The following PADI3 variants were observed in gnomAD, a reference collection of about 807,000 sequenced individuals.
The protein encoded by PADI3 is protein-arginine deiminase type-3.
PADI3 carries 53 observed loss-of-function variants against 71.5 expected under a neutral mutation model. The observed-to-expected ratio is 0.74, with a 90% CI of 0.59 to 0.93. The LOEUF (loss-of-function observed/expected upper bound fraction) is 0.93. PADI3 is among the 40% of genes least tolerant of loss of function. The probability of loss-of-function intolerance (pLI) is 0.00; values close to 1 mark genes in which losing one functional copy is unlikely to be tolerated. For missense variants in PADI3, 821 were observed against 868.0 expected, an observed-to-expected ratio of 0.95 and a Z score of 0.68; for synonymous variants, 361 against 347.5, an observed-to-expected ratio of 1.04 and a Z score of -0.43.
chr1:17,254,533 G>A lies in PADI3; in HGVS notation c.93-5045G>A, dbSNP rs76870269. Among the ~76,000 whole-genome samples the A allele has an allele frequency of 5.7e-3, 866 of 152,208 alleles. 3 individuals are homozygous for A. Among genetic ancestry groups the A allele is most frequent in the Non-Finnish European group, 0.01 (694 of 68,016 alleles). Reference sequence around the variant, plus strand: ...TGTGACTTTGGGCAAATCACCTGCCGTCTCCAAGGCTCAGTATTCTCATCT... The same window carrying A: ...TGTGACTTTGGGCAAATCACCTGCCATCTCCAAGGCTCAGTATTCTCATCT... On this transcript the variant is annotated intron_variant, in intron 1 of 15. Coordinates refer to ENST00000375460, the MANE Select transcript of PADI3 (RefSeq NM_016233.2).
At chr1:17,279,947 C>T (rs1398160182) in intron 13 of PADI3, among the ~76,000 whole-genome samples, 1 of 152,160 alleles carries the variant, frequency 6.6e-6, no homozygotes, top group East Asian at 1.9e-4. Context: ...CTGGCTGGTT[C>T]GCTGCTCAGT....
chr1:17,281,553 T>C (rs1253363255), intron 15 of PADI3, among the ~76,000 whole-genome samples: 1 of 151,918 alleles, frequency 6.6e-6, no homozygotes, highest in African/African-American at 2.4e-5. Flanking sequence ...CAAGCGATTC[T>C]CCTGCCTCAG....
chr1:17,263,157 G>A (rs146114913), intron 3 of PADI3, among the ~76,000 whole-genome samples: 1,588 of 152,234 alleles, frequency 0.01, 32 homozygotes, highest in African/African-American at 0.036. Flanking sequence ...CAGATGATCT[G>A]CCTGCCTCGG....
Position 17,259,656 on chromosome 1 carries a change from GA to G in PADI3, c.172del (p.Arg58GlyfsTer23). ...ACATCTACATCTCTCCCAACATGGA[GA>G]GGGGCCGGGAGCGTGCAGACACCAG... ...VDIYISPNME[R>X]GRERADTRRW... On this transcript the variant is annotated frameshift_variant, in exon 2 of 16. Transcript: ENST00000375460. LOFTEE classifies it high-confidence loss of function. The G allele has an allele frequency of 6.2e-7, 1 of 1,613,938 alleles. No individual in the cohort carries two copies. The highest frequency in any genetic ancestry group is 8.5e-7 in the Non-Finnish European group (1 of 1,179,852).
At chr1:17,260,113 GTCTCAGTTTCCCC>G (rs889658865) in intron 2 of PADI3, among the ~76,000 whole-genome samples, 12 of 152,128 alleles carry the variant, frequency 7.9e-5, no homozygotes, top group Non-Finnish European at 1.6e-4. Context: ...GCTGAGTTGG[GTCTCAGTTTCCCC>G]ACATGTAGGC....
chr1:17,282,846 G>A lies in PADI3; in HGVS notation c.1762G>A (p.Val588Met). 1 of 1,607,916 alleles carries A rather than the reference G, an allele frequency of 6.2e-7. No individual in the cohort carries two copies. ...GTGCTGCTTCCCCTTTGGACTGCAG[G>A]TGAACATGCTGGTGCTGGGGAAGCA... ...KKATAFFPDL[V>M]NMLVLGKHLG... is the part of the protein sequence containing the mutation. Residue 588 changes from valine (V) to methionine (M), a missense_variant and splice_region_variant, in exon 16 of 16, where the codon GTG becomes ATG. Coordinates refer to ENST00000375460, the MANE Select transcript of PADI3 (RefSeq NM_016233.2).
At chr1:17,272,386 G>A (rs1434703758) in intron 9 of PADI3, among the ~76,000 whole-genome samples, 3 of 152,214 alleles carry the variant, frequency 2.0e-5, no homozygotes, top group African/African-American at 7.2e-5. Flanking sequence ...AGGGTTTGGG[G>A]CAGGACTCTG....
chr1:17,270,674 G>T (rs2073235276), intron 7 of PADI3, among the ~76,000 whole-genome samples: 1 of 151,932 alleles, frequency 6.6e-6, no homozygotes, highest in Non-Finnish European at 1.5e-5. Context: ...ATAATAAAGG[G>T]CAGTGGGGAG....
At chr1:17,276,941 A>G (rs80012763) in intron 13 of PADI3, 65 bp downstream of exon 13, 72,544 of 1,378,558 alleles carry the variant, frequency 0.053, 2,172 homozygotes, top group African/African-American at 0.092. Flanking sequence ...AAGACACATC[A>G]TGGCTTGAGA....
intron 1 of PADI3, among the ~76,000 whole-genome samples, chr1:17,250,533 G>T (rs79318867): frequency 6.6e-6 from 1 of 152,168 alleles, no homozygotes; most frequent in African/African-American, 2.4e-5. Flanking sequence ...TGGATGAGAG[G>T]GGGTGAGGAG....
chr1:17,259,535 T>G, intron 1 of PADI3, 43 bp from the exon 2 acceptor site: 1 of 1,518,028 alleles, frequency 6.6e-7, no homozygotes, highest in East Asian at 2.3e-5. Flanking sequence ...CTGAGCAAAA[T>G]ATATCTCCTT....
At position 17,255,594 on chromosome 1, in the gene PADI3, G is replaced by T. The variant is rs144631352; in HGVS notation, c.93-3984G>T. 4.9e-3 allele frequency among the ~76,000 whole-genome samples: 745 copies of T among 152,282 alleles called. 8 individuals carry two copies. Among genetic ancestry groups the T allele is most frequent in the African/African-American group, 0.017 (714 of 41,546 alleles). The stretch of plus-strand genomic sequence containing the variant: ...AGGAAATGGGAAGCTAGATCCTCCC[G>T]TACCTGATGCAGGTTCTCCTCCCAG... On this transcript the variant is annotated intron_variant, in intron 1 of 15. Coordinates refer to ENST00000375460, the MANE Select transcript of PADI3 (RefSeq NM_016233.2).
At chr1:17,257,099 T>C (rs113510633) in intron 1 of PADI3, among the ~76,000 whole-genome samples, 1 of 133,598 alleles carries the variant, frequency 7.5e-6, no homozygotes, top group Non-Finnish European at 1.6e-5. Context: ...CTCAGGAGCG[T>C]GGCTGAGGGT....
Position 17,267,888 on chromosome 1 carries a change from T to A in PADI3, c.578T>A (p.Leu193His). 1 of 1,614,212 alleles carries A rather than the reference T, an allele frequency of 6.2e-7. No individual in the cohort carries two copies. Residue 193 changes from leucine to histidine, a missense_variant, in exon 6 of 16, where the codon CTC becomes CAC. Physicochemically the swap from Leu to His is moderately conservative, Grantham distance 99. Coordinates refer to ENST00000375460, the MANE Select transcript of PADI3 (RefSeq NM_016233.2). Reference protein sequence around the residue: ...MVLRTQGPAALFDDHKLVLHT... With the variant: ...MVLRTQGPAAHFDDHKLVLHT... ...CTGCGGACGCAGGGCCCTGCAGCCC[T>A]CTTTGATGACCACAAACTTGTCCTC...
At position 17,274,793 on chromosome 1, in the gene PADI3, G is replaced by C. The variant is rs1179106834; in HGVS notation, c.1307+7G>C. On this transcript the variant is annotated splice_region_variant and intron_variant, in intron 11 of 15. Coordinates refer to ENST00000375460, the MANE Select transcript of PADI3 (RefSeq NM_016233.2). ...TTGGGGGCAACCTGCCTGGGTGAGA[G>C]AGAGACAGGGAATGGAGTTCCTGGG... 1 of 1,612,438 alleles carries C rather than the reference G, an allele frequency of 6.2e-7. No homozygotes were observed. Among genetic ancestry groups the C allele is most frequent in the Admixed American group, 1.7e-5 (1 of 59,902 alleles).
Position 17,276,840 on chromosome 1 carries a change from G to A in PADI3, c.1519G>A (p.Gly507Ser). The change falls in exon 13 of 16, where the codon GGC becomes AGC. Residue 507 changes from glycine (G) to serine (S), a missense_variant. Coordinates refer to ENST00000375460, the MANE Select transcript of PADI3 (RefSeq NM_016233.2). Reference protein sequence around the residue: ...FKLFQEKQKCGHGRALLFQGV... With the variant: ...FKLFQEKQKCSHGRALLFQGV... The stretch of plus-strand genomic sequence containing the variant: ...GCTCTTCCAGGAAAAGCAGAAGTGT[G>A]GCCACGGGAGGGCCCTCCTGTTCCA... The A allele has an allele frequency of 6.2e-7, 1 of 1,613,454 alleles. No homozygotes were observed. The highest frequency in any genetic ancestry group is 8.5e-7 in the Non-Finnish European group (1 of 1,179,782).
rs2073245855 is a variant in PADI3, at chr1:17,271,196, GCAGGGC to G, written c.1047+20_1047+25del. The G allele has an allele frequency of 6.2e-7, 1 of 1,602,678 alleles. No individual in the cohort carries two copies. Among genetic ancestry groups the G allele is most frequent in the African/African-American group, 1.3e-5 (1 of 74,694 alleles). ...GGATCCAGGTAACCACAGCCACTGGGCAGGGCCCAGCAAGGACGCCATCCTGGAGAG... is the reference window on the plus strand; with the variant it reads ...GGATCCAGGTAACCACAGCCACTGGGCCAGCAAGGACGCCATCCTGGAGAG... On this transcript the variant is annotated intron_variant, in intron 9 of 15. Coordinates refer to ENST00000375460, the MANE Select transcript of PADI3 (RefSeq NM_016233.2).
At position 17,250,810 on chromosome 1, in the gene PADI3, C is replaced by T. The variant is rs141772450; in HGVS notation, c.92+1581C>T. Among the ~76,000 whole-genome samples the T allele has an allele frequency of 2.2e-4, 34 of 152,324 alleles. 1 individual carries two copies. The East Asian group carries it at 6.0e-3, about 27-fold the overall frequency. ...TCGTGCCCGTTGGGCAGATGTGTCT[C>T]CGGTTTGACCTGTCCCAGGAAGCCT... On this transcript the variant is annotated intron_variant, in intron 1 of 15. Coordinates refer to ENST00000375460, the MANE Select transcript of PADI3 (RefSeq NM_016233.2).
chr1:17,279,874 C>A (rs2073379984), intron 13 of PADI3, among the ~76,000 whole-genome samples: 1 of 152,158 alleles, frequency 6.6e-6, no homozygotes, highest in South Asian at 2.1e-4. Flanking sequence ...TGGGAGGTCC[C>A]CATTTCACGC....
Sources: allele counts gnomAD v4.1 joint callset (sites outside exome capture counted in the v4.1 genomes callset), GRCh38; gene constraint gnomAD v4.1.1; transcripts MANE v1.5; gene names NCBI Gene and HGNC (gene_info 2026-07-23, HGNC 2026-07-21).